CUEDC1: variants seen among roughly 807,000 people sequenced by gnomAD.
CUEDC1 encodes the protein CUE domain containing 1, also known as CUE domain-containing protein 1.
CUEDC1 carries 30 observed loss-of-function variants against 43.7 expected under a neutral mutation model. The ratio of observed to expected loss-of-function variants is 0.69; its 90% CI spans 0.51 to 0.93. The LOEUF (loss-of-function observed/expected upper bound fraction) is 0.93. CUEDC1 is among the 40% of genes least tolerant of loss of function. CUEDC1 has a pLI of 0.00. For synonymous variants in CUEDC1, 223 were observed against 223.6 expected (o/e 1.00, Z 0.02); for missense variants, 486 against 549.0 (o/e 0.89, Z 1.15).
intron 1 of CUEDC1, among the ~76,000 whole-genome samples, chr17:57,886,389 A>G (rs887438969): frequency 9.9e-5 from 15 of 152,166 alleles, no homozygotes; most frequent in African/African-American, 3.6e-4. Flanking sequence ...CTGCCCCAAC[A>G]TCGTGGTCCC....
intron 10 of CUEDC1, among the ~76,000 whole-genome samples, chr17:57,864,472 G>A (rs1434277221): frequency 6.6e-6 from 1 of 152,124 alleles, no homozygotes; most frequent in East Asian, 1.9e-4. Context: ...GAGAGAGGAA[G>A]GAGAACCTGG....
intron 10 of CUEDC1, among the ~76,000 whole-genome samples, chr17:57,864,957 T>G (rs2073935052): frequency 1.3e-5 from 2 of 152,178 alleles, no homozygotes; most frequent in Admixed American, 6.5e-5. Flanking sequence ...CTCGGGAGGC[T>G]GAGGCAGGAG....
Position 57,934,559 on chromosome 17 carries a change from TAAAAAAA to T in CUEDC1, c.-316+20659_-316+20665del, listed in dbSNP as rs575832390. Among the ~76,000 whole-genome samples the T allele has an allele frequency of 4.9e-3, 322 of 65,364 alleles. 1 individual carries two copies. The highest frequency in any genetic ancestry group is 0.013 in the African/African-American group (259 of 20,650). The allele number at this position is 65,364 out of a possible 152,430, so 42.9% of individuals were successfully genotyped here. A position where few individuals can be genotyped will look rare whatever the true frequency, so the allele number is the denominator to read the frequency against. On this transcript the variant is annotated intron_variant, in intron 1 of 10. Coordinates refer to ENST00000577830, the MANE Select transcript of CUEDC1 (RefSeq NM_001271875.2). ...GCAATATAGCAAGACCCTGTCTCTC[TAAAAAAA>T]AAAAAAAAAAAAAAAAAAAAGGAAA...
At chr17:57,869,491 C>T (rs1469827666) in intron 6 of CUEDC1, among the ~76,000 whole-genome samples, 1 of 152,202 alleles carries the variant, frequency 6.6e-6, no homozygotes, top group Non-Finnish European at 1.5e-5. Flanking sequence ...CATGACATCA[C>T]CTTGGTAGCT....
intron 1 of CUEDC1, among the ~76,000 whole-genome samples, chr17:57,953,859 C>G (rs2143262392): frequency 6.6e-6 from 1 of 152,272 alleles, no homozygotes; most frequent in South Asian, 2.1e-4. Context: ...AGAAAGTGGA[C>G]AGCGGGTTTC....
At chr17:57,940,563 T>C (rs557562203) in intron 1 of CUEDC1, among the ~76,000 whole-genome samples, 1 of 152,306 alleles carries the variant, frequency 6.6e-6, no homozygotes. Context: ...CTACAAGACT[T>C]TCCACGAGCA....
At chr17:57,917,367 T>C (rs2074653400) in intron 1 of CUEDC1, among the ~76,000 whole-genome samples, 1 of 152,204 alleles carries the variant, frequency 6.6e-6, no homozygotes, top group African/African-American at 2.4e-5. Context: ...AGGTGACACA[T>C]ACTAAGTGCC....
In CUEDC1 at chr17:57,867,271, G is replaced by T. The variant is rs566435474; in HGVS notation, c.1093+86C>A. 60 of 1,273,852 alleles carry T rather than the reference G, an allele frequency of 4.7e-5. No homozygotes were observed. In the East Asian group the frequency reaches 1.4e-3, roughly 30 times the overall value. The allele number at this position is 1,273,852 out of a possible 1,614,324, so 78.9% of individuals were successfully genotyped here. A position where few individuals can be genotyped will look rare whatever the true frequency, so the allele number is the denominator to read the frequency against. ...GTGTGTTCCTCCAGGGGACAGGGCG[G>T]GTGCTCCCATGAAACACCCAGGAAC... On this transcript the variant is annotated intron_variant, in intron 9 of 10. Transcript: ENST00000577830.
chr17:57,940,322 G>A (rs1488539529), intron 1 of CUEDC1, among the ~76,000 whole-genome samples: 1 of 151,944 alleles, frequency 6.6e-6, no homozygotes, highest in African/African-American at 2.4e-5. Context: ...ACTGAAGCTG[G>A]AAACAAGAAA....
At chr17:57,898,164 A>T (rs1011391284) in intron 1 of CUEDC1, among the ~76,000 whole-genome samples, 1 of 152,160 alleles carries the variant, frequency 6.6e-6, no homozygotes, top group Non-Finnish European at 1.5e-5. Context: ...ACTGCACCCC[A>T]TGGTGCACCC....
At chr17:57,929,287 A>T (rs1187115662) in intron 1 of CUEDC1, among the ~76,000 whole-genome samples, 1 of 152,046 alleles carries the variant, frequency 6.6e-6, no homozygotes, top group Non-Finnish European at 1.5e-5. Context: ...CAATTTAGAG[A>T]TGACAAAATT....
intron 1 of CUEDC1, among the ~76,000 whole-genome samples, chr17:57,893,468 C>A (rs1401983344): frequency 6.6e-6 from 1 of 152,186 alleles, no homozygotes; most frequent in African/African-American, 2.4e-5. Context: ...CTTCAAAAGC[C>A]GGGTGACCTT....
At chr17:57,878,557 C>T (rs2074160392) in intron 3 of CUEDC1, among the ~76,000 whole-genome samples, 1 of 152,154 alleles carries the variant, frequency 6.6e-6, no homozygotes, top group African/African-American at 2.4e-5. Flanking sequence ...AAAGAGGTCA[C>T]ACCCCAGCTC....
chr17:57,918,333 T>A (rs1436387199), intron 1 of CUEDC1, among the ~76,000 whole-genome samples: 1 of 152,178 alleles, frequency 6.6e-6, no homozygotes, highest in Non-Finnish European at 1.5e-5. Context: ...GGTCTGCCAG[T>A]TCTCCCCTCA....
chr17:57,896,520 G>GTGTA (rs2074412276), intron 1 of CUEDC1, among the ~76,000 whole-genome samples: 1 of 149,930 alleles, frequency 6.7e-6, no homozygotes, highest in Admixed American at 6.6e-5. Context: ...GTGTGTGTGT[G>GTGTA]TGTGTGTATG....
intron 1 of CUEDC1, among the ~76,000 whole-genome samples, chr17:57,890,162 GC>G (rs2074339875): frequency 6.6e-6 from 1 of 152,208 alleles, no homozygotes; most frequent in Non-Finnish European, 1.5e-5. Flanking sequence ...ATGTGGAGAG[GC>G]CAGAATAGGA....
chr17:57,924,351 G>A (rs544781319), intron 1 of CUEDC1, among the ~76,000 whole-genome samples: 30 of 152,226 alleles, frequency 2.0e-4, no homozygotes, highest in Non-Finnish European at 3.5e-4. Flanking sequence ...TGATCTGCCC[G>A]CCTCGGCCTC....
rs373494556 is a variant in CUEDC1, at chr17:57,862,162, C to T, written c.*1127G>A. On this transcript the variant is annotated 3_prime_UTR_variant, in exon 11 of 11. Coordinates refer to ENST00000577830, the MANE Select transcript of CUEDC1 (RefSeq NM_001271875.2). ...GCTCTCCGGAAGGTCTGCGCGCTCC[C>T]ATGTCCAGGGCGGGGCCACGGGCTG... is the stretch of plus-strand genomic sequence containing the variant. The T allele has an allele frequency of 1.3e-5, 2 of 152,408 alleles. No individual in the cohort carries two copies. Among genetic ancestry groups the T allele is most frequent in the East Asian group, 1.9e-4 (1 of 5,184 alleles). The allele number at this position is 152,408 out of a possible 1,614,324, so 9.4% of individuals were successfully genotyped here. A position where few individuals can be genotyped will look rare whatever the true frequency, so the allele number is the denominator to read the frequency against.
intron 1 of CUEDC1, among the ~76,000 whole-genome samples, chr17:57,891,331 C>G (rs1431330175): frequency 6.6e-6 from 1 of 152,270 alleles, no homozygotes; most frequent in East Asian, 1.9e-4. Context: ...TTGGAGTCAT[C>G]TTGGAGTGCT....
Sources: gnomAD v4.1 joint callset for allele counts (sites outside exome capture counted in the v4.1 genomes callset) on GRCh38, gnomAD v4.1.1 for gene constraint, MANE v1.5 for transcripts, NCBI Gene and HGNC (gene_info 2026-07-23, HGNC 2026-07-21) for gene names.